The following CTNNA2 variants were observed in gnomAD, a reference collection of about 807,000 sequenced individuals.
CTNNA2 encodes catenin alpha 2, also known as catenin alpha-2.
In CTNNA2, 42 loss-of-function variants were observed where a neutral mutation model predicts 101.0. The ratio of observed to expected loss-of-function variants is 0.42; its 90% CI spans 0.32 to 0.54. CTNNA2 has a LOEUF of 0.54. CTNNA2 is among the 20% of genes least tolerant of loss of function. The pLI is 0.14. For missense variants in CTNNA2, 871 were observed against 1,223.1 expected (o/e 0.71, Z 4.29); for synonymous variants, 450 against 456.4 (o/e 0.99, Z 0.18).
intron 4 of CTNNA2, among the ~76,000 whole-genome samples, chr2:79,499,994 T>C (rs922429775): frequency 1.3e-5 from 2 of 152,202 alleles, no homozygotes; most frequent in African/African-American, 4.8e-5. Flanking sequence ...TCCCTTTTTG[T>C]TCTATTCAGG....
chr2:79,320,260 AT>A (rs34694986), intron 3 of CTNNA2, among the ~76,000 whole-genome samples: 10,568 of 119,738 alleles, frequency 0.088, 407 homozygotes, highest in Middle Eastern at 0.1. Context: ...TTACGTTTCA[AT>A]TTTTTTTTTT....
chr2:79,351,169 A>G (rs1264703011), intron 3 of CTNNA2, among the ~76,000 whole-genome samples: 2 of 152,054 alleles, frequency 1.3e-5, no homozygotes, highest in East Asian at 3.9e-4. Flanking sequence ...TTTCTGTTGC[A>G]TTTATCTTTG....
chr2:79,622,165 C>T (rs567091176), intron 1 of CTNNA2, among the ~76,000 whole-genome samples: 5 of 152,230 alleles, frequency 3.3e-5, no homozygotes, highest in African/African-American at 4.8e-5. Context: ...TCAATCATTC[C>T]GATCTTCACC....
intron 7 of CTNNA2, among the ~76,000 whole-genome samples, chr2:79,987,873 G>T (rs1982105): frequency 0.19 from 28,948 of 152,152 alleles, 3,429 homozygotes; most frequent in Admixed American, 0.31. Flanking sequence ...TTCAATGTTA[G>T]TTCATATTCA....
intron 2 of CTNNA2, among the ~76,000 whole-genome samples, chr2:79,742,278 C>G (rs1019165433): frequency 3.8e-4 from 57 of 151,994 alleles, no homozygotes; most frequent in African/African-American, 1.4e-3. Flanking sequence ...CCAGCTTCTA[C>G]TCCTTTGAAA....
rs894347183 is a variant in CTNNA2 at position 79,537,133 on chromosome 2, C to T, written c.-6+23926C>T. On this transcript the variant is annotated intron_variant, in intron 1 of 18. Transcript: ENST00000402739. ...TGCACGTGGAGGGCTTAAACCACCC[C>T]CCATTGAAGGACGTTCTGTTGGTGA... Among the ~76,000 whole-genome samples, 12 of 152,120 alleles carry T rather than the reference C, an allele frequency of 7.9e-5. No homozygotes were observed. The East Asian group carries it at 2.3e-3, about 29-fold the overall frequency.
intron 3 of CTNNA2, among the ~76,000 whole-genome samples, chr2:79,358,353 C>T (rs1392243548): frequency 6.6e-6 from 1 of 152,096 alleles, no homozygotes; most frequent in Non-Finnish European, 1.5e-5. Flanking sequence ...GCGTCAGCCA[C>T]CACACCTGGC....
chr2:80,236,908 G>C (rs1709579199), intron 7 of CTNNA2, among the ~76,000 whole-genome samples: 1 of 152,182 alleles, frequency 6.6e-6, no homozygotes, highest in African/African-American at 2.4e-5. Flanking sequence ...CTACAAAAGA[G>C]AAGGAAGCTT....
At position 80,625,018 on chromosome 2, in the gene CTNNA2, G is replaced by T. The variant is rs1403699501; in HGVS notation, c.2574+5790G>T. On this transcript the variant is annotated intron_variant, in intron 18 of 18. Coordinates refer to ENST00000402739, the MANE Select transcript of CTNNA2 (RefSeq NM_001282597.3). ...TCCAGGCAAAATTATTTACCTCAAG[G>T]CCTATTCTTTTACCTAAATAAATGC... is the stretch of plus-strand genomic sequence containing the variant. Among the ~76,000 whole-genome samples the T allele has an allele frequency of 3.3e-5, 5 of 151,744 alleles. No homozygotes were observed. The East Asian group carries it at 7.8e-4, about 24-fold the overall frequency.
chr2:80,603,569 T>A (rs1346252416), intron 15 of CTNNA2: 1 of 152,074 alleles, frequency 6.6e-6, no homozygotes, highest in African/African-American at 2.4e-5. Context: ...TGGACATGAG[T>A]AGGAAGATAA....
chr2:80,522,554 G>A (rs775860817), intron 9 of CTNNA2, among the ~76,000 whole-genome samples: 1 of 152,046 alleles, frequency 6.6e-6, no homozygotes, highest in Admixed American at 6.6e-5. Flanking sequence ...TTCTATCCTG[G>A]AGATTTTTGT....
intron 1 of CTNNA2, among the ~76,000 whole-genome samples, chr2:79,642,316 G>C (rs904917082): frequency 6.6e-6 from 1 of 152,086 alleles, no homozygotes; most frequent in Admixed American, 6.5e-5. Flanking sequence ...AGCAATAGCG[G>C]AGATACCCGC....
chr2:79,338,478 G>A (rs1469305085), intron 3 of CTNNA2, among the ~76,000 whole-genome samples: 1 of 152,070 alleles, frequency 6.6e-6, no homozygotes, highest in African/African-American at 2.4e-5. Context: ...GAGGGTGAAT[G>A]AGATCAGAAC....
rs77677071 is a variant in CTNNA2, at chr2:80,084,447, A to G, written c.1056+174650A>G. On this transcript the variant is annotated intron_variant, in intron 7 of 18. Transcript: ENST00000402739. ...TATTTTTATCTTTAATTGACTCCAA[A>G]TCTCTCTTTTAGGATGTCCAACCCA... is the stretch of plus-strand genomic sequence containing the variant. Among the ~76,000 whole-genome samples, 816 of 152,214 alleles carry G rather than the reference A, an allele frequency of 5.4e-3. 25 individuals are homozygous for G. In the East Asian group the frequency reaches 0.095, roughly 18 times the overall value.
At chr2:79,817,282 AC>A (rs1677588797) in intron 3 of CTNNA2, among the ~76,000 whole-genome samples, 1 of 145,074 alleles carries the variant, frequency 6.9e-6, no homozygotes, top group Non-Finnish European at 1.5e-5. Flanking sequence ...GATAACACAA[AC>A]CAGAAAGTGC....
At chr2:79,292,035 GGCTGTTGTTCA>G (rs1481743128) in intron 2 of CTNNA2, among the ~76,000 whole-genome samples, 1 of 152,126 alleles carries the variant, frequency 6.6e-6, no homozygotes, top group African/African-American at 2.4e-5. Context: ...GTGGTTGATT[GGCTGTTGTTCA>G]GCTCATCTTA....
chr2:80,493,152 C>T (rs759124362), intron 9 of CTNNA2, among the ~76,000 whole-genome samples: 8 of 152,118 alleles, frequency 5.3e-5, no homozygotes, highest in Non-Finnish European at 8.8e-5. Flanking sequence ...ACACAGAGCA[C>T]GGTACAGAAT....
intron 1 of CTNNA2, among the ~76,000 whole-genome samples, chr2:79,579,010 A>G (rs1340754253): frequency 6.6e-6 from 1 of 151,640 alleles, no homozygotes; most frequent in Non-Finnish European, 1.5e-5. Flanking sequence ...TAGGTTGTTC[A>G]TCCTTCATTC....
intron 6 of CTNNA2, among the ~76,000 whole-genome samples, chr2:79,891,267 A>G (rs555019422): frequency 1.3e-5 from 2 of 152,250 alleles, no homozygotes; most frequent in African/African-American, 4.8e-5. Flanking sequence ...CATGGAAGTT[A>G]AGAATCGTGT....
Sources: gnomAD v4.1 joint callset for allele counts (sites outside exome capture counted in the v4.1 genomes callset) on GRCh38, gnomAD v4.1.1 for gene constraint, MANE v1.5 for transcripts, NCBI Gene and HGNC (gene_info 2026-07-23, HGNC 2026-07-21) for gene names.